COL4A1: variants seen among roughly 807,000 people sequenced by gnomAD.
The protein encoded by COL4A1 is collagen alpha-1(IV) chain.
In COL4A1, 40 loss-of-function variants were observed where a neutral mutation model predicts 216.6. That is an observed-to-expected ratio of 0.18 (90% CI 0.14 to 0.24). The LOEUF (loss-of-function observed/expected upper bound fraction) is 0.24, where lower values mean the gene tolerates loss of function less well. Ranked by LOEUF, COL4A1 falls within the 10% of genes least tolerant of loss-of-function variation. The pLI is 1.00. For missense variants in COL4A1, 1,628 were observed against 2,196.8 expected (o/e 0.74, Z 5.18); for synonymous variants, 839 against 810.7 (o/e 1.03, Z -0.59).
rs569058000 is a variant in COL4A1 at position 110,187,479 on chromosome 13, C to A, written c.1537-150G>T. 4.6e-6 allele frequency: 4 copies of A among 878,734 alleles called. No individual in the cohort carries two copies. In the African/African-American group the frequency reaches 5.0e-5, roughly 11 times the overall value. 54.4% of individuals were successfully genotyped at this position (878,734 alleles called of 1,614,324 possible). A position where few individuals can be genotyped will look rare whatever the true frequency, so the allele number is the denominator to read the frequency against. On this transcript the variant is annotated intron_variant, in intron 24 of 51. Transcript: ENST00000375820. ...TCATCATTGATTTTCTAGATGCAAGCCAGGAGCTCTGTGACAAAGCCCTGG... is the reference window on the plus strand; with the variant it reads ...TCATCATTGATTTTCTAGATGCAAGACAGGAGCTCTGTGACAAAGCCCTGG...
rs529569440 is a variant in COL4A1 at position 110,244,674 on chromosome 13, C to T, written c.85-1940G>A. On this transcript the variant is annotated intron_variant, in intron 1 of 51. Transcript: ENST00000375820. ...CCTGCGAATTGCTGACTGCATGTCT[C>T]TATTGTCAGGCTTATCACGTTTCTC... 4.6e-5 allele frequency among the ~76,000 whole-genome samples: 7 copies of T among 152,292 alleles called. No homozygotes were observed. The South Asian group carries it at 1.5e-3, about 32-fold the overall frequency.
chr13:110,253,322 TATA>T (rs1340497495), intron 1 of COL4A1, among the ~76,000 whole-genome samples: 1 of 56,272 alleles, frequency 1.8e-5, no homozygotes, highest in African/African-American at 5.2e-5. Context: ...TACATATACA[TATA>T]ATTATATGTA....
intron 43 of COL4A1, among the ~76,000 whole-genome samples, 199 bp downstream of exon 43, chr13:110,169,430 C>T (rs1297024667): frequency 6.7e-6 from 1 of 149,414 alleles, no homozygotes. Flanking sequence ...TACTCTGATG[C>T]CAATAAAGAT....
chr13:110,273,855 CAA>C (rs1453997061), intron 1 of COL4A1, among the ~76,000 whole-genome samples: 1 of 152,114 alleles, frequency 6.6e-6, no homozygotes, highest in Non-Finnish European at 1.5e-5. Context: ...GCGCATCTGC[CAA>C]AAGAGCATTA....
At chr13:110,224,706 A>C (rs886152764) in intron 2 of COL4A1, among the ~76,000 whole-genome samples, 4 of 152,228 alleles carry the variant, frequency 2.6e-5, no homozygotes, top group African/African-American at 9.7e-5. Flanking sequence ...GACATGTTCT[A>C]CATTAACAGA....
intron 42 of COL4A1, 22 bp downstream of exon 42, chr13:110,170,525 G>A (rs2139155962): frequency 1.3e-5 from 21 of 1,581,738 alleles, no homozygotes; most frequent in Non-Finnish European, 1.7e-5. Context: ...CTCAGCCCTG[G>A]CCCCTGGCGA....
chr13:110,259,343 T>C (rs1277485840), intron 1 of COL4A1, among the ~76,000 whole-genome samples: 1 of 152,236 alleles, frequency 6.6e-6, no homozygotes, highest in African/African-American at 2.4e-5. Flanking sequence ...CAGGACATAT[T>C]TATTCTAAAC....
At chr13:110,180,045 G>A (rs1389886861) in intron 29 of COL4A1, among the ~76,000 whole-genome samples, 4 of 152,122 alleles carry the variant, frequency 2.6e-5, no homozygotes, top group East Asian at 1.9e-4. Flanking sequence ...GGGCTCCACC[G>A]GTGTCCCCTG....
chr13:110,253,410 ATTACATATACATATAAT>A (rs1882314304), intron 1 of COL4A1, among the ~76,000 whole-genome samples: 1 of 5,194 alleles, frequency 1.9e-4, no homozygotes, highest in East Asian at 0.012. Flanking sequence ...AATTATATGT[ATTACATATACATATAAT>A]TATATGTATT....
chr13:110,150,544 A>G, intron 51 of COL4A1, 100 bp from the exon 52 acceptor site: 1 of 1,228,596 alleles, frequency 8.1e-7, no homozygotes, highest in Non-Finnish European at 1.2e-6. Flanking sequence ...GGATCAGCCC[A>G]GCCCCTGGCA....
At chr13:110,208,450 G>A (rs1483872218) in intron 12 of COL4A1, among the ~76,000 whole-genome samples, 6 of 152,166 alleles carry the variant, frequency 3.9e-5, no homozygotes, top group Non-Finnish European at 7.4e-5. Flanking sequence ...GCTGCCCACC[G>A]TGCTACTCCC....
At chr13:110,305,206 G>T in intron 1 of COL4A1, among the ~76,000 whole-genome samples, 1 of 152,236 alleles carries the variant, frequency 6.6e-6, no homozygotes. Flanking sequence ...CCCACAGGCT[G>T]CATCTCTTAA....
chr13:110,176,749 A>T, intron 34 of COL4A1, 25 bp from the exon 35 acceptor site: 1 of 1,613,754 alleles, frequency 6.2e-7, no homozygotes, highest in Non-Finnish European at 8.5e-7. Context: ...AGAAAATAGC[A>T]ATGACCCGCA....
At chr13:110,256,237 G>A (rs1037795883) in intron 1 of COL4A1, among the ~76,000 whole-genome samples, 8 of 152,162 alleles carry the variant, frequency 5.3e-5, no homozygotes, top group African/African-American at 1.9e-4. Flanking sequence ...TGAATAGGGC[G>A]TGGTTTCTAC....
At chr13:110,294,092 G>A (rs1884182062) in intron 1 of COL4A1, among the ~76,000 whole-genome samples, 1 of 152,112 alleles carries the variant, frequency 6.6e-6, no homozygotes, top group Non-Finnish European at 1.5e-5. Context: ...GCGCTGAGCT[G>A]GAGGAGACGA....
At chr13:110,190,784 A>G (rs889252982) in intron 24 of COL4A1, 1 of 152,148 alleles carries the variant, frequency 6.6e-6, no homozygotes, top group East Asian at 1.9e-4. Context: ...ACTTTTTCCA[A>G]CTCCGGAAAG....
At chr13:110,254,262 A>C (rs1352968745) in intron 1 of COL4A1, among the ~76,000 whole-genome samples, 1 of 152,198 alleles carries the variant, frequency 6.6e-6, no homozygotes, top group Non-Finnish European at 1.5e-5. Flanking sequence ...GAGAAATTCC[A>C]AACAAATGGT....
intron 1 of COL4A1, among the ~76,000 whole-genome samples, chr13:110,284,261 C>G (rs959510278): frequency 1.3e-5 from 2 of 152,190 alleles, no homozygotes; most frequent in African/African-American, 4.8e-5. Flanking sequence ...ACAAGCAGAG[C>G]TAAGCTGGGA....
At chr13:110,253,701 C>T (rs56063327) in intron 1 of COL4A1, among the ~76,000 whole-genome samples, 5,742 of 117,168 alleles carry the variant, frequency 0.049, 548 homozygotes, top group Non-Finnish European at 0.067. Flanking sequence ...TATAATTATA[C>T]GTATGTATTA....
Sources: allele counts gnomAD v4.1 joint callset (sites outside exome capture counted in the v4.1 genomes callset), GRCh38; gene constraint gnomAD v4.1.1; transcripts MANE v1.5; gene names NCBI Gene and HGNC (gene_info 2026-07-23, HGNC 2026-07-21).